The following FA2H variants were observed in gnomAD, a reference collection of about 807,000 sequenced individuals.
The protein encoded by FA2H is fatty acid alpha-hydroxylase.
FA2H carries 22 observed loss-of-function variants against 44.9 expected under a neutral mutation model. That is an observed-to-expected ratio of 0.49 (90% CI 0.35 to 0.70). FA2H has a LOEUF of 0.70. Among genes scored for constraint, FA2H ranks in the 30% least tolerant of loss-of-function variants. The pLI, the probability that FA2H is intolerant of heterozygous loss-of-function variation, is 0.01. For missense variants in FA2H, 501 were observed against 504.9 expected (o/e 0.99, Z 0.07); for synonymous variants, 243 against 213.2 (o/e 1.14, Z -1.22).
intron 1 of FA2H, among the ~76,000 whole-genome samples, chr16:74,769,678 A>G (rs1962869933): frequency 6.6e-6 from 1 of 152,196 alleles, no homozygotes; most frequent in Non-Finnish European, 1.5e-5. Context: ...GTTTAGACCT[A>G]AAGTCCTTTC....
At chr16:74,751,940 G>A (rs1962532863) in intron 1 of FA2H, among the ~76,000 whole-genome samples, 1 of 152,168 alleles carries the variant, frequency 6.6e-6, no homozygotes, top group Non-Finnish European at 1.5e-5. Context: ...TGGCCCCGGT[G>A]AGCTTTGATA....
rs186695773 is a variant in FA2H, at chr16:74,767,170, G to A, written c.270+7316C>T. Among the ~76,000 whole-genome samples, 432 of 152,204 alleles carry A rather than the reference G, an allele frequency of 2.8e-3. 4 individuals are homozygous for A. The highest frequency in any genetic ancestry group is 5.8e-3 in the Admixed American group (88 of 15,294). On this transcript the variant is annotated intron_variant, in intron 1 of 6. Transcript: ENST00000219368. ...CTAAAAATACAAAAATTAGCTGGGC[G>A]TGGTGGTGTGTGCCTGTAATCCCAG...
At chr16:74,714,372 C>G (rs1447728034) in intron 6 of FA2H, 103 bp from the exon 7 acceptor site, 10 of 771,338 alleles carry the variant, frequency 1.3e-5, no homozygotes, top group Admixed American at 1.0e-4. Flanking sequence ...GAGACAATGT[C>G]AATATCTGTC....
chr16:74,766,650 G>T (rs886192866), intron 1 of FA2H, among the ~76,000 whole-genome samples: 2 of 151,950 alleles, frequency 1.3e-5, no homozygotes, highest in Non-Finnish European at 2.9e-5. Context: ...TAAGGGGGGG[G>T]GCTCCTGAAG....
chr16:74,735,991 T>C (rs1962171874), intron 2 of FA2H, among the ~76,000 whole-genome samples: 1 of 151,874 alleles, frequency 6.6e-6, no homozygotes, highest in South Asian at 2.1e-4. Flanking sequence ...TCTAAAAAAA[T>C]AAAAAAGATA....
chr16:74,734,670 C>T (rs1038821779), intron 2 of FA2H, among the ~76,000 whole-genome samples: 3 of 152,196 alleles, frequency 2.0e-5, no homozygotes, highest in Admixed American at 1.3e-4. Context: ...GGGGGCCTTC[C>T]CTGTTTTCCT....
chr16:74,726,026 G>A, intron 4 of FA2H, 199 bp downstream of exon 4: 1 of 576,074 alleles, frequency 1.7e-6, no homozygotes, highest in South Asian at 1.9e-5. Context: ...GTGTTGTTGG[G>A]TTTTGTATCC....
chr16:74,765,647 A>G (rs1854116264), intron 1 of FA2H, among the ~76,000 whole-genome samples: 1 of 152,092 alleles, frequency 6.6e-6, no homozygotes, highest in South Asian at 2.1e-4. Flanking sequence ...GGCTCACTGC[A>G]GCCTTGACCT....
intron 4 of FA2H, among the ~76,000 whole-genome samples, chr16:74,725,421 G>A (rs13338121): frequency 0.087 from 13,269 of 152,182 alleles, 653 homozygotes; most frequent in East Asian, 0.21. Context: ...CTGTCCCAGC[G>A]GCTATACTTA....
chr16:74,721,375 T>C (rs1961835627), intron 4 of FA2H, among the ~76,000 whole-genome samples: 1 of 151,976 alleles, frequency 6.6e-6, no homozygotes, highest in African/African-American at 2.4e-5. Flanking sequence ...AACATGTTGG[T>C]CAGGCTGGTC....
At chr16:74,746,473 C>A (rs1962427688) in intron 1 of FA2H, among the ~76,000 whole-genome samples, 1 of 151,782 alleles carries the variant, frequency 6.6e-6, no homozygotes, top group Admixed American at 6.6e-5. Flanking sequence ...ATCCTCCTAC[C>A]TTGGCTTCCT....
At chr16:74,747,466 T>G (rs1315085831) in intron 1 of FA2H, among the ~76,000 whole-genome samples, 1 of 152,202 alleles carries the variant, frequency 6.6e-6, no homozygotes, top group Non-Finnish European at 1.5e-5. Context: ...TGGGTTGAGC[T>G]ATGCCAGTCC....
chr16:74,720,088 G>C (rs970404598), intron 4 of FA2H, among the ~76,000 whole-genome samples: 1 of 150,850 alleles, frequency 6.6e-6, no homozygotes, highest in East Asian at 1.9e-4. Context: ...CAGTCCTAGC[G>C]GCTTTCAGCT....
intron 1 of FA2H, among the ~76,000 whole-genome samples, chr16:74,770,404 G>T (rs548965951): frequency 6.6e-6 from 1 of 152,206 alleles, no homozygotes; most frequent in South Asian, 2.1e-4. Flanking sequence ...TTGAGACAGG[G>T]TCTTGCTCTG....
At chr16:74,749,741 C>G (rs1211638213) in intron 1 of FA2H, among the ~76,000 whole-genome samples, 2 of 152,218 alleles carry the variant, frequency 1.3e-5, no homozygotes, top group Non-Finnish European at 2.9e-5. Context: ...TTTCAAGCCA[C>G]TAACTCCATT....
intron 1 of FA2H, among the ~76,000 whole-genome samples, chr16:74,768,636 C>T (rs1014165633): frequency 6.6e-6 from 1 of 152,160 alleles, no homozygotes; most frequent in South Asian, 2.1e-4. Flanking sequence ...GACCGGCTTT[C>T]CAAGATGGGC....
At chr16:74,772,722 C>T (rs1036050164) in intron 1 of FA2H, among the ~76,000 whole-genome samples, 1 of 152,198 alleles carries the variant, frequency 6.6e-6, no homozygotes, top group African/African-American at 2.4e-5. Context: ...GTTTCACTTT[C>T]CATGGTTTCA....
At chr16:74,718,888 A>C in intron 5 of FA2H, 100 bp downstream of exon 5, 1 of 1,392,054 alleles carries the variant, frequency 7.2e-7, no homozygotes, top group Non-Finnish European at 9.9e-7. Flanking sequence ...ACCCACAGCC[A>C]GACTCCCAGG....
intron 6 of FA2H, among the ~76,000 whole-genome samples, chr16:74,715,665 C>A (rs1961676234): frequency 1.3e-5 from 2 of 152,142 alleles, no homozygotes; most frequent in South Asian, 2.1e-4. Flanking sequence ...TATTAAAATT[C>A]TTTTCATCTG....
Sources: allele counts gnomAD v4.1 joint callset (sites outside exome capture counted in the v4.1 genomes callset), GRCh38; gene constraint gnomAD v4.1.1; transcripts MANE v1.5; gene names NCBI Gene and HGNC (gene_info 2026-07-23, HGNC 2026-07-21).